The following BMPR1B variants were observed in gnomAD, a reference collection of about 807,000 sequenced individuals.
BMPR1B encodes bone morphogenetic protein receptor type-1B.
BMPR1B carries 12 observed loss-of-function variants against 59.1 expected under a neutral mutation model. The observed-to-expected ratio is 0.20, with a 90% confidence interval of 0.13 to 0.33. The LOEUF (loss-of-function observed/expected upper bound fraction) is 0.33. Ranked by LOEUF, BMPR1B falls within the 10% of genes least tolerant of loss-of-function variation. The pLI, the probability that BMPR1B is intolerant of heterozygous loss-of-function variation, is 1.00. For synonymous variants in BMPR1B, 237 were observed against 207.3 expected (o/e 1.14, Z -1.23); for missense variants, 550 against 610.9 (o/e 0.90, Z 1.05).
chr4:94,781,222 T>G (rs1311806513), intron 1 of BMPR1B, among the ~76,000 whole-genome samples: 6 of 151,644 alleles, frequency 4.0e-5, no homozygotes, highest in Non-Finnish European at 8.8e-5. Context: ...GTTTTCTAAA[T>G]ATATGTCTCA....
At chr4:94,782,972 T>C (rs1722638276) in intron 1 of BMPR1B, among the ~76,000 whole-genome samples, 1 of 152,206 alleles carries the variant, frequency 6.6e-6, no homozygotes, top group South Asian at 2.1e-4. Flanking sequence ...TGCTTGTTTG[T>C]TTAGTGACCT....
intron 1 of BMPR1B, among the ~76,000 whole-genome samples, chr4:94,760,267 A>G (rs1000746632): frequency 1.3e-5 from 2 of 152,110 alleles, no homozygotes; most frequent in African/African-American, 4.8e-5. Context: ...ATTCCCTGTT[A>G]GATTATTGTC....
In BMPR1B at chr4:95,148,764, G is replaced by A. The variant is rs761588488; in HGVS notation, c.1093G>A (p.Asp365Asn). The change falls in exon 11 of 13, where the codon GAC (aspartate) becomes AAC (asparagine). Residue 365 changes from aspartate (D) to asparagine (N), a missense_variant. This residue lies in a region of BMPR1B where 318 missense variants were observed against 284.6 expected (regional missense o/e 1.12). Transcript: ENST00000515059. ...VKFISDTNEV[D>N]IPPNTRVGTK... ...TTTCCTTAGTGATACAAATGAAGTT[G>A]ACATACCACCTAACACTCGAGTTGG... The A allele has an allele frequency of 3.7e-6, 6 of 1,613,748 alleles. No homozygotes were observed. In the East Asian group the frequency reaches 6.7e-5, roughly 18 times the overall value.
intron 10 of BMPR1B, among the ~76,000 whole-genome samples, chr4:95,143,600 G>T (rs1329173081): frequency 2.6e-5 from 4 of 152,140 alleles, no homozygotes; most frequent in Non-Finnish European, 5.9e-5. Flanking sequence ...TATCAATGTA[G>T]ACCTCATACT....
rs1356600168 is a variant in BMPR1B, at chr4:94,771,344, T to A, written c.-183+13276T>A. ...AATCCATGCTCAAATGTTGGAGGTC[T>A]GTTAGAGCCAGATATTATACTGGTT... On this transcript the variant is annotated intron_variant, in intron 1 of 12. Transcript: ENST00000515059. 2.6e-5 allele frequency among the ~76,000 whole-genome samples: 4 copies of A among 152,196 alleles called. No homozygotes were observed. The East Asian group carries it at 5.8e-4, about 22-fold the overall frequency.
At chr4:94,819,921 G>A (rs1724144160) in intron 1 of BMPR1B, among the ~76,000 whole-genome samples, 1 of 152,180 alleles carries the variant, frequency 6.6e-6, no homozygotes, top group South Asian at 2.1e-4. Context: ...TTACAGGACT[G>A]CTTTCCTGCC....
rs1732308137 is a variant in BMPR1B, at chr4:95,119,382, C to T, written c.349+3595C>T. Among the ~76,000 whole-genome samples, 3 of 152,184 alleles carry T rather than the reference C, an allele frequency of 2.0e-5. No individual in the cohort carries two copies. The South Asian group carries it at 6.2e-4, about 32-fold the overall frequency. On this transcript the variant is annotated intron_variant, in intron 6 of 12. Transcript: ENST00000515059. Reference sequence around the variant, plus strand: ...TATGATACCTTGAATTTATTTTTAACTCTTTATATAACCTAAGAGAGGGAG... The same window carrying T: ...TATGATACCTTGAATTTATTTTTAATTCTTTATATAACCTAAGAGAGGGAG...
At chr4:94,892,152 TA>T (rs1355540398) in intron 2 of BMPR1B, among the ~76,000 whole-genome samples, 14 of 152,200 alleles carry the variant, frequency 9.2e-5, no homozygotes, top group Admixed American at 7.9e-4. Flanking sequence ...AAATGGAGGT[TA>T]ACATCCCAGA....
intron 3 of BMPR1B, among the ~76,000 whole-genome samples, chr4:95,045,922 T>C (rs1429961376): frequency 6.6e-6 from 1 of 152,202 alleles, no homozygotes; most frequent in Non-Finnish European, 1.5e-5. Context: ...TTTGGGGAGT[T>C]TCTGTGTGAA....
At chr4:94,929,481 G>A (rs1460851939) in intron 2 of BMPR1B, among the ~76,000 whole-genome samples, 4 of 151,884 alleles carry the variant, frequency 2.6e-5, no homozygotes, top group Non-Finnish European at 4.4e-5. Flanking sequence ...AGTCCTTTTG[G>A]TGTATCTCAG....
chr4:94,814,071 T>G (rs557488746), intron 1 of BMPR1B, among the ~76,000 whole-genome samples: 53 of 152,330 alleles, frequency 3.5e-4, no homozygotes, highest in South Asian at 1.5e-3. Context: ...GTTGTGATTA[T>G]ATTTGAGAAA....
intron 1 of BMPR1B, among the ~76,000 whole-genome samples, chr4:94,869,499 G>T (rs1726394787): frequency 6.6e-6 from 1 of 152,040 alleles, no homozygotes; most frequent in South Asian, 2.1e-4. Context: ...AAATGTTTAT[G>T]CTATTCAGAT....
intron 1 of BMPR1B, among the ~76,000 whole-genome samples, chr4:94,778,040 G>GTATA (rs964951267): frequency 6.6e-6 from 1 of 151,758 alleles, no homozygotes; most frequent in African/African-American, 2.4e-5. Context: ...AAAAAAAAGT[G>GTATA]TATATATATG....
At chr4:94,966,239 A>C (rs1004411192) in intron 2 of BMPR1B, among the ~76,000 whole-genome samples, 3 of 152,188 alleles carry the variant, frequency 2.0e-5, no homozygotes, top group African/African-American at 7.2e-5. Context: ...GCATGAGAAC[A>C]CATGTTGGAG....
At chr4:95,067,694 T>TA (rs1429487735) in intron 3 of BMPR1B, among the ~76,000 whole-genome samples, 1 of 152,222 alleles carries the variant, frequency 6.6e-6, no homozygotes, top group African/African-American at 2.4e-5. Context: ...CTCCTCCCCT[T>TA]AAGCATCATT....
intron 3 of BMPR1B, among the ~76,000 whole-genome samples, chr4:95,008,450 C>G (rs1723003293): frequency 6.6e-6 from 1 of 152,110 alleles, no homozygotes; most frequent in African/African-American, 2.4e-5. Context: ...TCCAAGCTGC[C>G]ACTACTACAG....
At chr4:94,959,429 C>A (rs1730272875) in intron 2 of BMPR1B, among the ~76,000 whole-genome samples, 1 of 152,094 alleles carries the variant, frequency 6.6e-6, no homozygotes, top group Non-Finnish European at 1.5e-5. Context: ...TAAAGTAAGA[C>A]CCCTTCTCCG....
At chr4:94,887,490 G>A (rs1396674178) in intron 2 of BMPR1B, among the ~76,000 whole-genome samples, 1 of 134,114 alleles carries the variant, frequency 7.5e-6, no homozygotes, top group African/African-American at 2.8e-5. Context: ...TTAGGTATAA[G>A]AAAAATACCT....
intron 2 of BMPR1B, among the ~76,000 whole-genome samples, chr4:94,927,312 C>T (rs1191318129): frequency 6.6e-6 from 1 of 152,134 alleles, no homozygotes; most frequent in Non-Finnish European, 1.5e-5. Flanking sequence ...TTCCTGCCCT[C>T]ATGGAGCCAG....
Sources: allele counts gnomAD v4.1 joint callset (sites outside exome capture counted in the v4.1 genomes callset), GRCh38; gene constraint gnomAD v4.1.1; regional missense constraint gnomAD v4.1.1; transcripts MANE v1.5; gene names NCBI Gene and HGNC (gene_info 2026-07-23, HGNC 2026-07-21).